TSHZ1: variants seen among roughly 807,000 people sequenced by gnomAD.
The protein encoded by TSHZ1 is teashirt homolog 1.
TSHZ1 carries 12 observed loss-of-function variants against 67.1 expected under a neutral mutation model. The observed-to-expected ratio is 0.18, with a 90% CI of 0.11 to 0.29. The LOEUF (loss-of-function observed/expected upper bound fraction) is 0.29, where lower values mean the gene tolerates loss of function less well. Ranked by LOEUF, TSHZ1 falls within the 10% of genes least tolerant of loss-of-function variation. TSHZ1 has a pLI of 1.00. For missense variants in TSHZ1, 1,305 were observed against 1,413.9 expected (o/e 0.92, Z 1.23); for synonymous variants, 632 against 622.4 (o/e 1.02, Z -0.23).
chr18:75,266,551 C>T (rs951489986), intron 1 of TSHZ1, among the ~76,000 whole-genome samples: 4 of 152,194 alleles, frequency 2.6e-5, no homozygotes, highest in African/African-American at 9.6e-5. Flanking sequence ...TCAGGAAGCA[C>T]AACAGAGGAT....
At chr18:75,225,592 A>G (rs2022914772) in intron 1 of TSHZ1, among the ~76,000 whole-genome samples, 1 of 152,052 alleles carries the variant, frequency 6.6e-6, no homozygotes, top group African/African-American at 2.4e-5. Flanking sequence ...GTGGAAATCA[A>G]CTCGTCATCA....
rs1901272391 is a variant in TSHZ1 at position 75,287,809 on chromosome 18, A to T, written c.2402A>T (p.Tyr801Phe). ...AAGCAGGCCGATGCCATCGACCGCT[A>T]CTATTATGAAAACAGCGACCAGCCC... ...PVKQADAIDR[Y>F]YYENSDQPID... Residue 801 changes from tyrosine (Y) to phenylalanine (F), a missense_variant, in exon 2 of 2, where the codon TAC (tyrosine) becomes TTC (phenylalanine). Coordinates refer to ENST00000580243, the MANE Select transcript of TSHZ1 (RefSeq NM_001308210.2). The surrounding 1 kb of genome is among the most constrained non-coding windows in gnomAD (Gnocchi z 5.0). 6.2e-7 allele frequency: 1 copy of T among 1,614,150 alleles called. No individual in the cohort carries two copies. The highest frequency in any genetic ancestry group is 8.5e-7 in the Non-Finnish European group (1 of 1,180,052).
rs535726257 is a variant in TSHZ1 at position 75,273,946 on chromosome 18, T to A, written c.41-11502T>A. ...ACTCACCTGCACACACTCACACCTGTGTGCGCACACGCGTGCACTCTCGCA... is the reference window on the plus strand; with the variant it reads ...ACTCACCTGCACACACTCACACCTGAGTGCGCACACGCGTGCACTCTCGCA... On this transcript the variant is annotated intron_variant, in intron 1 of 1. Transcript: ENST00000580243. Among the ~76,000 whole-genome samples, 3 of 152,218 alleles carry A rather than the reference T, an allele frequency of 2.0e-5. No homozygotes were observed. In the South Asian group the frequency reaches 6.2e-4, roughly 31 times the overall value.
intron 1 of TSHZ1, among the ~76,000 whole-genome samples, chr18:75,228,834 C>A (rs544147824): frequency 6.6e-6 from 1 of 152,168 alleles, no homozygotes; most frequent in African/African-American, 2.4e-5. Context: ...TCCAGGAGCA[C>A]GGATCCCAGC....
intron 1 of TSHZ1, among the ~76,000 whole-genome samples, chr18:75,250,720 C>T (rs1435010924): frequency 6.6e-6 from 1 of 152,218 alleles, no homozygotes; most frequent in African/African-American, 2.4e-5. Flanking sequence ...GTGGGCCGGG[C>T]CTTTACCGTC....
At chr18:75,217,855 G>T (rs2022792164) in intron 1 of TSHZ1, among the ~76,000 whole-genome samples, 1 of 152,146 alleles carries the variant, frequency 6.6e-6, no homozygotes, top group Non-Finnish European at 1.5e-5. Context: ...GAAGAGAATG[G>T]ATATTGGGTC....
At chr18:75,217,957 T>A (rs909038869) in intron 1 of TSHZ1, among the ~76,000 whole-genome samples, 15 of 152,178 alleles carry the variant, frequency 9.9e-5, no homozygotes, top group Non-Finnish European at 2.1e-4. Flanking sequence ...ATTCTTTCTG[T>A]TTTTAGGTAC....
rs1302958087 is a variant in TSHZ1 at position 75,288,660 on chromosome 18, A to G, written c.*19A>G. 1.3e-6 allele frequency: 2 copies of G among 1,555,876 alleles called. No homozygotes were observed. The highest frequency in any genetic ancestry group is 1.7e-6 in the Non-Finnish European group (2 of 1,152,720). Reference sequence around the variant, plus strand: ...ACAGTAGCGTCCAGGTATGCAAGAGACCGCGGAACATTGCACTAAACGTCG... The same window carrying G: ...ACAGTAGCGTCCAGGTATGCAAGAGGCCGCGGAACATTGCACTAAACGTCG... On this transcript the variant is annotated 3_prime_UTR_variant, in exon 2 of 2. Transcript: ENST00000580243. The surrounding 1 kb of genome is among the most constrained non-coding windows in gnomAD (Gnocchi z 4.9).
At chr18:75,218,755 C>T (rs182444890) in intron 1 of TSHZ1, among the ~76,000 whole-genome samples, 3 of 152,280 alleles carry the variant, frequency 2.0e-5, no homozygotes, top group African/African-American at 2.4e-5. Flanking sequence ...TAAATTACTC[C>T]GGGACAAGGC....
chr18:75,286,831 A>G lies in TSHZ1; in HGVS notation c.1424A>G (p.His475Arg), dbSNP rs1211506666. 6.2e-7 allele frequency: 1 copy of G among 1,613,964 alleles called. No individual in the cohort carries two copies. Among genetic ancestry groups the G allele is most frequent in the South Asian group, 1.1e-5 (1 of 91,064 alleles). ...IQSIPLPPTT[H>R]TRLPASSIKK... ...TCCATCCCACTACCGCCCACCACCC[A>G]CACGCGGCTGCCGGCCTCCAGCATC... Residue 475 changes from histidine (H) to arginine (R), a missense_variant, in exon 2 of 2, where the codon CAC (histidine) becomes CGC (arginine). Coordinates refer to ENST00000580243, the MANE Select transcript of TSHZ1 (RefSeq NM_001308210.2). The surrounding 1 kb of genome is among the most constrained non-coding windows in gnomAD (Gnocchi z 5.1).
intron 1 of TSHZ1, among the ~76,000 whole-genome samples, chr18:75,234,298 A>G (rs1035386391): frequency 2.6e-5 from 4 of 152,020 alleles, no homozygotes; most frequent in Non-Finnish European, 5.9e-5. Context: ...CCCTCTCCTT[A>G]ACTCCTTCTT....
At chr18:75,263,064 A>C (rs1166781947) in intron 1 of TSHZ1, among the ~76,000 whole-genome samples, 1 of 152,226 alleles carries the variant, frequency 6.6e-6, no homozygotes, top group Non-Finnish European at 1.5e-5. Flanking sequence ...CTTTCTCTTA[A>C]GCCATGCTGC....
chr18:75,262,402 C>G (rs2023441463), intron 1 of TSHZ1, among the ~76,000 whole-genome samples: 3 of 152,038 alleles, frequency 2.0e-5, no homozygotes, highest in Admixed American at 2.0e-4. Flanking sequence ...ATTTATTCAA[C>G]AAATATTCAC....
At chr18:75,278,392 C>G (rs139742608) in intron 1 of TSHZ1, among the ~76,000 whole-genome samples, 524 of 152,294 alleles carry the variant, frequency 3.4e-3, no homozygotes, top group African/African-American at 0.012. Context: ...TTGGAGGCAC[C>G]TGGGTTCTGG....
chr18:75,246,106 C>T (rs776065402), intron 1 of TSHZ1, among the ~76,000 whole-genome samples: 13 of 152,204 alleles, frequency 8.5e-5, no homozygotes, highest in South Asian at 4.1e-4. Flanking sequence ...CCAAGACCTG[C>T]GCTTCACGTT....
At chr18:75,269,874 C>T (rs1378703639) in intron 1 of TSHZ1, among the ~76,000 whole-genome samples, 4 of 152,134 alleles carry the variant, frequency 2.6e-5, no homozygotes, top group Non-Finnish European at 4.4e-5. Flanking sequence ...AAGCCTGAGT[C>T]GACGTGGCTG....
In TSHZ1 at chr18:75,288,156, A is replaced by C. The variant is rs766942425; in HGVS notation, c.2749A>C (p.Ile917Leu). The C allele has an allele frequency of 1.2e-6, 2 of 1,614,014 alleles. No homozygotes were observed. The highest frequency in any genetic ancestry group is 1.3e-5 in the African/African-American group (1 of 74,922). ...SLRETTEGKY[I>L]MSDLGPQERV... ...GCGGGAGACCACAGAGGGCAAGTACATCATGTCGGACTTGGGCCCGCAGGA... is the reference window on the plus strand; with the variant it reads ...GCGGGAGACCACAGAGGGCAAGTACCTCATGTCGGACTTGGGCCCGCAGGA... The change falls in exon 2 of 2, where the codon ATC (isoleucine) becomes CTC (leucine). Residue 917 changes from isoleucine to leucine, a missense_variant. This residue lies in a region of TSHZ1 where 909 missense variants were observed against 961.8 expected (regional missense o/e 0.95). Coordinates refer to ENST00000580243, the MANE Select transcript of TSHZ1 (RefSeq NM_001308210.2). This position sits in a 1 kb window ranked among gnomAD's most constrained non-coding sequence, Gnocchi z 4.9.
At position 75,257,940 on chromosome 18, in the gene TSHZ1, G is replaced by A. The variant is rs575274362; in HGVS notation, c.41-27508G>A. 2.6e-5 allele frequency among the ~76,000 whole-genome samples: 4 copies of A among 152,314 alleles called. No homozygotes were observed. In the South Asian group the frequency reaches 8.3e-4, roughly 32 times the overall value. ...ACGCTTAGAACCGGGGCTGCACACG[G>A]GGCTGTGGACGTCACAGCCTCGTCA... On this transcript the variant is annotated intron_variant, in intron 1 of 1. Transcript: ENST00000580243.
At chr18:75,235,930 G>A (rs1358570845) in intron 1 of TSHZ1, among the ~76,000 whole-genome samples, 21 of 152,250 alleles carry the variant, frequency 1.4e-4, no homozygotes, top group Middle Eastern at 3.4e-3. Context: ...CCTGTGCTGC[G>A]GCGTTGACAC....
Sources: gnomAD v4.1 joint callset for allele counts (sites outside exome capture counted in the v4.1 genomes callset) on GRCh38, gnomAD v4.1.1 for gene constraint, gnomAD v4.1.1 regional missense constraint, Gnocchi (gnomAD v3.1) non-coding constraint, MANE v1.5 for transcripts, NCBI Gene and HGNC (gene_info 2026-07-23, HGNC 2026-07-21) for gene names.